The following MTUS2 variants were observed in gnomAD, a reference collection of about 807,000 sequenced individuals.
MTUS2 encodes the protein microtubule associated scaffold protein 2.
MTUS2 carries 40 observed loss-of-function variants against 114.1 expected under a neutral mutation model. The ratio of observed to expected loss-of-function variants is 0.35; its 90% CI spans 0.27 to 0.46. The LOEUF (loss-of-function observed/expected upper bound fraction) is 0.46, where lower values mean the gene tolerates loss of function less well. MTUS2 is among the 20% of genes least tolerant of loss of function. The pLI is 1.00. For synonymous variants in MTUS2, 688 were observed against 672.0 expected (o/e 1.02, Z -0.37); for missense variants, 1,679 against 1,705.4 (o/e 0.98, Z 0.27).
intron 5 of MTUS2, among the ~76,000 whole-genome samples, chr13:29,163,321 G>C (rs538424520): frequency 6.6e-6 from 1 of 152,122 alleles, no homozygotes; most frequent in Non-Finnish European, 1.5e-5. Context: ...CCGTCCCCTC[G>C]GCAGGGGTTT....
intron 2 of MTUS2, among the ~76,000 whole-genome samples, chr13:29,022,746 A>G (rs558195629): frequency 1.3e-5 from 2 of 152,204 alleles, no homozygotes; most frequent in Non-Finnish European, 2.9e-5. Flanking sequence ...AATAAAATGC[A>G]CTCATAATAG....
At chr13:29,124,215 A>C (rs1247841757) in intron 5 of MTUS2, among the ~76,000 whole-genome samples, 3 of 152,206 alleles carry the variant, frequency 2.0e-5, no homozygotes, top group Non-Finnish European at 2.9e-5. Flanking sequence ...AAGATGAAGA[A>C]GACTTGGTTC....
chr13:29,027,156 A>G (rs569562854), intron 3 of MTUS2, among the ~76,000 whole-genome samples: 118 of 152,332 alleles, frequency 7.7e-4, no homozygotes, highest in African/African-American at 2.7e-3. Flanking sequence ...TTCACTTGCT[A>G]TAATTCATAT....
chr13:28,959,216 C>T (rs1383104766), intron 2 of MTUS2, among the ~76,000 whole-genome samples: 1 of 152,220 alleles, frequency 6.6e-6, no homozygotes, highest in Non-Finnish European at 1.5e-5. Flanking sequence ...TCTCTGATCA[C>T]CTCTCGACTC....
chr13:28,917,113 C>A (rs566773151), intron 2 of MTUS2, among the ~76,000 whole-genome samples: 1 of 151,790 alleles, frequency 6.6e-6, no homozygotes, highest in Non-Finnish European at 1.5e-5. Flanking sequence ...GGAATTAATC[C>A]GACCTGGTCA....
intron 9 of MTUS2, among the ~76,000 whole-genome samples, chr13:29,445,026 A>G (rs1401145621): frequency 2.6e-5 from 4 of 152,104 alleles, no homozygotes; most frequent in Non-Finnish European, 5.9e-5. Flanking sequence ...GCCCATTTAT[A>G]CCTTCCCATT....
intron 2 of MTUS2, among the ~76,000 whole-genome samples, chr13:28,954,784 A>G (rs1320153248): frequency 2.6e-5 from 4 of 152,192 alleles, no homozygotes; most frequent in East Asian, 1.9e-4. Flanking sequence ...TCAGCCCTAC[A>G]TGATCAGAGG....
At chr13:29,457,338 T>C (rs1879192582) in intron 9 of MTUS2, among the ~76,000 whole-genome samples, 1 of 152,024 alleles carries the variant, frequency 6.6e-6, no homozygotes, top group Admixed American at 6.6e-5. Context: ...GCAACTCCTT[T>C]CTTATTTCTA....
intron 5 of MTUS2, among the ~76,000 whole-genome samples, chr13:29,262,214 A>C (rs529077168): frequency 6.6e-6 from 1 of 152,360 alleles, no homozygotes; most frequent in South Asian, 2.1e-4. Context: ...TTCTTAAAGT[A>C]GTTCTGTTAT....
At chr13:29,100,749 T>A (rs539403960) in intron 4 of MTUS2, 24 bp from the exon 5 acceptor site, 540 of 1,548,246 alleles carry the variant, frequency 3.5e-4, no homozygotes, top group Non-Finnish European at 4.2e-4. Flanking sequence ...AATAATTTTT[T>A]AATTTTATTT....
chr13:29,427,184 G>C (rs1876605232), intron 8 of MTUS2, among the ~76,000 whole-genome samples: 1 of 152,216 alleles, frequency 6.6e-6, no homozygotes, highest in Non-Finnish European at 1.5e-5. Context: ...AGGGTAAAAA[G>C]TGGACATTCA....
intron 8 of MTUS2, among the ~76,000 whole-genome samples, chr13:29,374,108 G>C (rs12100235): frequency 0.032 from 4,921 of 152,250 alleles, 281 homozygotes; most frequent in African/African-American, 0.11. Flanking sequence ...GGAGAAAAAA[G>C]TCAGTGAACT....
chr13:28,874,249 C>G (rs1257553038), intron 2 of MTUS2, among the ~76,000 whole-genome samples: 2 of 152,154 alleles, frequency 1.3e-5, no homozygotes, highest in Non-Finnish European at 2.9e-5. Context: ...GATCTGCCCC[C>G]CTCGGCCTCC....
At chr13:29,300,576 A>G (rs1200344138) in intron 6 of MTUS2, among the ~76,000 whole-genome samples, 1 of 151,566 alleles carries the variant, frequency 6.6e-6, no homozygotes, top group Non-Finnish European at 1.5e-5. Flanking sequence ...GAAACTTTTA[A>G]TTACATGTCA....
intron 2 of MTUS2, among the ~76,000 whole-genome samples, chr13:29,023,577 C>T (rs976243399): frequency 1.6e-4 from 25 of 152,260 alleles, no homozygotes; most frequent in African/African-American, 5.8e-4. Flanking sequence ...CCAAATTAAT[C>T]TCTGGCATAA....
chr13:28,848,384 A>T (rs1593243222), intron 2 of MTUS2, among the ~76,000 whole-genome samples: 1 of 152,168 alleles, frequency 6.6e-6, no homozygotes, highest in Admixed American at 6.5e-5. Flanking sequence ...TATTGGTTTG[A>T]TTGTGATGTT....
At chr13:28,912,605 G>A (rs914252237) in intron 2 of MTUS2, among the ~76,000 whole-genome samples, 1 of 152,098 alleles carries the variant, frequency 6.6e-6, no homozygotes, top group African/African-American at 2.4e-5. Flanking sequence ...ACTTTGGGAA[G>A]TATGGCCATT....
intron 2 of MTUS2, among the ~76,000 whole-genome samples, chr13:28,977,129 G>A (rs1217403003): frequency 6.6e-6 from 1 of 152,144 alleles, no homozygotes; most frequent in Non-Finnish European, 1.5e-5. Context: ...ATGCAGGTGA[G>A]GGAGTAGGTT....
intron 5 of MTUS2, among the ~76,000 whole-genome samples, chr13:29,155,185 A>G (rs941252080): frequency 6.6e-6 from 1 of 152,244 alleles, no homozygotes; most frequent in African/African-American, 2.4e-5. Flanking sequence ...GTATTTGATG[A>G]AACTGGACTC....
Sources: gnomAD v4.1 joint callset for allele counts (sites outside exome capture counted in the v4.1 genomes callset) on GRCh38, gnomAD v4.1.1 for gene constraint, MANE v1.5 for transcripts, NCBI Gene and HGNC (gene_info 2026-07-23, HGNC 2026-07-21) for gene names.